The following TMEM132D variants were observed in gnomAD, a reference collection of about 807,000 sequenced individuals.
TMEM132D encodes the protein mature OL transmembrane protein.
In TMEM132D, 21 loss-of-function variants were observed where a neutral mutation model predicts 62.3. The ratio of observed to expected loss-of-function variants is 0.34; its 90% confidence interval spans 0.24 to 0.49. The LOEUF (loss-of-function observed/expected upper bound fraction) is 0.49. Ranked by LOEUF, TMEM132D falls within the 20% of genes least tolerant of loss-of-function variation. TMEM132D has a pLI of 0.99. For missense variants in TMEM132D, 1,346 were observed against 1,402.8 expected, an observed-to-expected ratio of 0.96 and a Z score of 0.65; for synonymous variants, 621 against 575.6, an observed-to-expected ratio of 1.08 and a Z score of -1.13.
chr12:129,493,095 A>G (rs548756182), intron 3 of TMEM132D, among the ~76,000 whole-genome samples: 1 of 152,278 alleles, frequency 6.6e-6, no homozygotes, highest in East Asian at 1.9e-4. Flanking sequence ...GAAGGTCAAC[A>G]TGTGCCTGTC....
intron 2 of TMEM132D, among the ~76,000 whole-genome samples, chr12:129,601,462 C>A (rs1878480363): frequency 6.6e-6 from 1 of 152,180 alleles, no homozygotes; most frequent in South Asian, 2.1e-4. Flanking sequence ...ACGTTCGAAA[C>A]ATAACCATAT....
chr12:129,188,759 GAGGGAGAGAGAGA>G (rs1878293367), intron 5 of TMEM132D, among the ~76,000 whole-genome samples: 3 of 58,280 alleles, frequency 5.1e-5, no homozygotes, highest in Middle Eastern at 6.7e-3. Context: ...GGGAGGGAGA[GAGGGAGAGAGAGA>G]GAGAGAGAGA....
chr12:129,375,110 G>A (rs750002415), intron 3 of TMEM132D, among the ~76,000 whole-genome samples: 1 of 152,186 alleles, frequency 6.6e-6, no homozygotes, highest in Non-Finnish European at 1.5e-5. Flanking sequence ...GGGAACTTGG[G>A]CTGCAGTACA....
intron 1 of TMEM132D, among the ~76,000 whole-genome samples, chr12:129,797,776 C>A (rs1393486499): frequency 1.3e-5 from 2 of 152,176 alleles, no homozygotes; most frequent in East Asian, 3.9e-4. Context: ...CTGGGCTGCA[C>A]ACCTAGATGG....
intron 5 of TMEM132D, among the ~76,000 whole-genome samples, chr12:129,142,147 C>T (rs1354727153): frequency 1.3e-5 from 2 of 151,920 alleles, no homozygotes; most frequent in Admixed American, 1.3e-4. Flanking sequence ...TCACATATTC[C>T]CTTCCATGTG....
chr12:129,862,868 T>C (rs888287871), intron 1 of TMEM132D, among the ~76,000 whole-genome samples: 2 of 143,036 alleles, frequency 1.4e-5, no homozygotes, highest in African/African-American at 5.1e-5. Context: ...TGAGCTTAGT[T>C]AAAAAAAAAA....
At chr12:129,638,999 A>G (rs1384989) in intron 2 of TMEM132D, among the ~76,000 whole-genome samples, 77,097 of 151,408 alleles carry the variant, frequency 0.51, 19,637 homozygotes, top group Middle Eastern at 0.63. Flanking sequence ...CCAACCATCA[A>G]GATAATAAGG....
At chr12:129,519,610 C>CTTTTTTTTT (rs35695419) in intron 3 of TMEM132D, among the ~76,000 whole-genome samples, 1 of 147,000 alleles carries the variant, frequency 6.8e-6, no homozygotes. Context: ...GATAAGAATG[C>CTTTTTTTTT]TTTTTTTTTT....
chr12:129,475,159 G>A (rs1874220230), intron 3 of TMEM132D, among the ~76,000 whole-genome samples: 1 of 152,228 alleles, frequency 6.6e-6, no homozygotes, highest in Non-Finnish European at 1.5e-5. Context: ...AGGACATCCA[G>A]TAATCTAGGA....
intron 1 of TMEM132D, among the ~76,000 whole-genome samples, chr12:129,756,760 TTGAG>T (rs1458344602): frequency 2.0e-5 from 3 of 152,242 alleles, no homozygotes; most frequent in African/African-American, 7.2e-5. Flanking sequence ...AAGAATTCTA[TTGAG>T]TTTCAGAATA....
intron 4 of TMEM132D, among the ~76,000 whole-genome samples, chr12:129,231,148 T>C (rs1879627776): frequency 6.6e-6 from 1 of 152,230 alleles, no homozygotes; most frequent in Admixed American, 6.5e-5. Flanking sequence ...TTTCATGCTG[T>C]TCAACACAAA....
chr12:129,278,147 G>A (rs572186198), intron 4 of TMEM132D, among the ~76,000 whole-genome samples: 1 of 152,146 alleles, frequency 6.6e-6, no homozygotes, highest in African/African-American at 2.4e-5. Flanking sequence ...CAATGGAAAC[G>A]ATGAATGTGC....
intron 5 of TMEM132D, among the ~76,000 whole-genome samples, chr12:129,096,312 G>A (rs1015181645): frequency 1.1e-4 from 17 of 152,084 alleles, no homozygotes; most frequent in African/African-American, 3.9e-4. Context: ...CAGTGGGATC[G>A]TGAGGTCTCT....
At chr12:129,637,991 G>A (rs1471792742) in intron 2 of TMEM132D, among the ~76,000 whole-genome samples, 2 of 152,206 alleles carry the variant, frequency 1.3e-5, no homozygotes, top group African/African-American at 2.4e-5. Context: ...TAGGGATCAC[G>A]TTTCAAAATG....
chr12:129,795,135 A>G (rs997122406), intron 1 of TMEM132D, among the ~76,000 whole-genome samples: 1 of 152,214 alleles, frequency 6.6e-6, no homozygotes, highest in African/African-American at 2.4e-5. Flanking sequence ...ATTATTAACC[A>G]CTTAACATGA....
At chr12:129,365,592 G>A (rs562670887) in intron 3 of TMEM132D, among the ~76,000 whole-genome samples, 5 of 152,114 alleles carry the variant, frequency 3.3e-5, no homozygotes, top group Non-Finnish European at 7.4e-5. Context: ...TGGAGCAGGG[G>A]GAGAAGAGAC....
chr12:129,822,460 G>A (rs772430012), intron 1 of TMEM132D, among the ~76,000 whole-genome samples: 52 of 152,288 alleles, frequency 3.4e-4, no homozygotes, highest in Middle Eastern at 3.4e-3. Context: ...CACACAGGAC[G>A]CACTTAACTT....
At chr12:129,187,810 G>A (rs1167097378) in intron 5 of TMEM132D, among the ~76,000 whole-genome samples, 1 of 152,204 alleles carries the variant, frequency 6.6e-6, no homozygotes, top group Admixed American at 6.5e-5. Flanking sequence ...TACTGCTGAC[G>A]GAAACAGTTT....
intron 5 of TMEM132D, among the ~76,000 whole-genome samples, chr12:129,131,860 G>GC (rs1400673542): frequency 6.6e-6 from 1 of 152,134 alleles, no homozygotes; most frequent in African/African-American, 2.4e-5. Flanking sequence ...TGCTCTTGGA[G>GC]ACATTAATTG....
Sources: gnomAD v4.1 joint callset for allele counts (sites outside exome capture counted in the v4.1 genomes callset) on GRCh38, gnomAD v4.1.1 for gene constraint, MANE v1.5 for transcripts, NCBI Gene and HGNC (gene_info 2026-07-23, HGNC 2026-07-21) for gene names.